The following PTPN13 variants were observed in gnomAD, a reference collection of about 807,000 sequenced individuals.
PTPN13 encodes protein tyrosine phosphatase non-receptor type 13.
PTPN13 carries 191 observed loss-of-function variants against 284.0 expected under a neutral mutation model. That is an observed-to-expected ratio of 0.67 (90% CI 0.60 to 0.76). PTPN13 has a LOEUF of 0.76. Ranked by LOEUF, PTPN13 falls within the 30% of genes least tolerant of loss-of-function variation. The pLI, the probability that PTPN13 is intolerant of heterozygous loss-of-function variation, is 0.00. For missense variants in PTPN13, 2,797 were observed against 2,939.9 expected, an observed-to-expected ratio of 0.95 and a Z score of 1.12; for synonymous variants, 986 against 1,022.3, an observed-to-expected ratio of 0.96 and a Z score of 0.68.
At position 86,662,412 on chromosome 4, in the gene PTPN13, AC is replaced by A. The variant is rs542808365; in HGVS notation, c.116-9948del. 5.9e-4 allele frequency among the ~76,000 whole-genome samples: 90 copies of A among 152,000 alleles called. 3 individuals are homozygous for A. The South Asian group carries it at 0.019, about 31-fold the overall frequency. ...GGTGGTGCAATCTCGGCTCACTGTAACCCCCGCCTCCCAAGTTCAAGTGATT... is the reference window on the plus strand; with the variant it reads ...GGTGGTGCAATCTCGGCTCACTGTAACCCCGCCTCCCAAGTTCAAGTGATT... On this transcript the variant is annotated intron_variant, in intron 2 of 47. Coordinates refer to ENST00000411767, the MANE Select transcript of PTPN13 (RefSeq NM_080683.3).
intron 28 of PTPN13, 30 bp downstream of exon 28, chr4:86,768,006 T>C: frequency 6.3e-7 from 1 of 1,582,690 alleles, no homozygotes; most frequent in Non-Finnish European, 8.6e-7. Flanking sequence ...CAATCTCACC[T>C]TTAAATTATT....
chr4:86,751,611 C>T (rs181894092), intron 19 of PTPN13, among the ~76,000 whole-genome samples: 8 of 152,258 alleles, frequency 5.3e-5, no homozygotes, highest in African/African-American at 1.4e-4. Context: ...TGAGCCATCA[C>T]GCCCAGTCTG....
At chr4:86,654,441 T>G (rs1449371158) in intron 2 of PTPN13, among the ~76,000 whole-genome samples, 2 of 152,230 alleles carry the variant, frequency 1.3e-5, no homozygotes, top group Non-Finnish European at 2.9e-5. Context: ...TCTGGTATGT[T>G]GTGTCTTTGT....
chr4:86,651,566 T>C (rs981731807), intron 2 of PTPN13, among the ~76,000 whole-genome samples: 2 of 152,218 alleles, frequency 1.3e-5, no homozygotes, highest in Non-Finnish European at 2.9e-5. Flanking sequence ...TTGGTATTAC[T>C]TTTTTAAATG....
chr4:86,796,485 T>A lies in PTPN13; in HGVS notation c.6346-389T>A, dbSNP rs537364755. ...TCCCATCTCTACAGAAAAAAAAAAA[T>A]TTTTAATTACCTGGGCATGGTGACA... On this transcript the variant is annotated intron_variant, in intron 40 of 47. Transcript: ENST00000411767. 2.0e-3 allele frequency among the ~76,000 whole-genome samples: 300 copies of A among 151,338 alleles called. 1 individual carries two copies. Among genetic ancestry groups the A allele is most frequent in the African/African-American group, 2.6e-3 (107 of 41,154 alleles).
intron 1 of PTPN13, among the ~76,000 whole-genome samples, chr4:86,618,970 A>T (rs28678816): frequency 0.17 from 25,441 of 152,132 alleles, 2,445 homozygotes; most frequent in East Asian, 0.29. Context: ...AGTACGTTGA[A>T]TAGGAGTGGT....
intron 2 of PTPN13, among the ~76,000 whole-genome samples, chr4:86,644,285 C>T (rs1724154119): frequency 6.6e-6 from 1 of 152,082 alleles, no homozygotes; most frequent in African/African-American, 2.4e-5. Flanking sequence ...GTGTGTGCTA[C>T]CACGCTCGGC....
chr4:86,795,465 G>T (rs1482093940), intron 40 of PTPN13, among the ~76,000 whole-genome samples: 1 of 152,182 alleles, frequency 6.6e-6, no homozygotes, highest in East Asian at 1.9e-4. Flanking sequence ...TTCAACCTTT[G>T]TGAAAGACAG....
chr4:86,748,201 C>G (rs1736993941), intron 17 of PTPN13, among the ~76,000 whole-genome samples: 1 of 152,116 alleles, frequency 6.6e-6, no homozygotes, highest in South Asian at 2.1e-4. Context: ...CAAAATGGTA[C>G]CAGGGACTGA....
At chr4:86,787,088 A>T (rs1399381584) in intron 40 of PTPN13, among the ~76,000 whole-genome samples, 1 of 150,952 alleles carries the variant, frequency 6.6e-6, no homozygotes, top group East Asian at 2.0e-4. Flanking sequence ...TGGGCAATGG[A>T]GCGAGACTCA....
chr4:86,603,811 A>G (rs1348903190), intron 1 of PTPN13, among the ~76,000 whole-genome samples: 2 of 152,100 alleles, frequency 1.3e-5, no homozygotes, highest in African/African-American at 4.8e-5. Flanking sequence ...GATGCTAATA[A>G]AGTACCTCGA....
chr4:86,642,019 A>G (rs1007398764), intron 2 of PTPN13, among the ~76,000 whole-genome samples: 3 of 152,116 alleles, frequency 2.0e-5, no homozygotes, highest in Non-Finnish European at 2.9e-5. Context: ...GTAGTTACAT[A>G]TTTTCGCAAT....
At chr4:86,626,331 T>C (rs1264394399) in intron 1 of PTPN13, among the ~76,000 whole-genome samples, 1 of 152,140 alleles carries the variant, frequency 6.6e-6, no homozygotes, top group African/African-American at 2.4e-5. Flanking sequence ...AGGGAAAGCA[T>C]AATGGAAAAG....
chr4:86,791,341 G>A (rs1015704288), intron 40 of PTPN13, among the ~76,000 whole-genome samples: 5 of 152,182 alleles, frequency 3.3e-5, no homozygotes, highest in African/African-American at 1.2e-4. Flanking sequence ...TAAACAAAGC[G>A]GCCGGGAAGC....
intron 35 of PTPN13, 105 bp downstream of exon 35, chr4:86,775,757 A>G: frequency 1.1e-6 from 1 of 932,146 alleles, no homozygotes; most frequent in African/African-American, 1.7e-5. Flanking sequence ...AGTAATTCAT[A>G]GACTAAATTG....
At chr4:86,692,383 G>A (rs144098796) in intron 5 of PTPN13, among the ~76,000 whole-genome samples, 71 of 152,234 alleles carry the variant, frequency 4.7e-4, no homozygotes, top group African/African-American at 1.7e-3. Context: ...CATAATGCTT[G>A]AGCCTTGAAT....
chr4:86,801,616 A>G (rs751712598), intron 42 of PTPN13, among the ~76,000 whole-genome samples: 178 of 152,336 alleles, frequency 1.2e-3, no homozygotes, highest in Non-Finnish European at 1.5e-3. Context: ...ATTTTAGATT[A>G]TCAGTCTCTA....
chr4:86,658,659 A>G (rs1009532007), intron 2 of PTPN13, among the ~76,000 whole-genome samples: 4 of 152,248 alleles, frequency 2.6e-5, no homozygotes, highest in African/African-American at 7.2e-5. Flanking sequence ...GAAGCATTCA[A>G]TGAGAAGGTC....
intron 16 of PTPN13, among the ~76,000 whole-genome samples, chr4:86,743,065 C>T (rs1736332172): frequency 6.6e-6 from 1 of 151,886 alleles, no homozygotes; most frequent in Non-Finnish European, 1.5e-5. Flanking sequence ...CTTTTTTCTT[C>T]TACTAACCTC....
Sources: gnomAD v4.1 joint callset for allele counts (sites outside exome capture counted in the v4.1 genomes callset) on GRCh38, gnomAD v4.1.1 for gene constraint, MANE v1.5 for transcripts, NCBI Gene and HGNC (gene_info 2026-07-23, HGNC 2026-07-21) for gene names.